AKT3: variants seen among roughly 807,000 people sequenced by gnomAD.
The protein encoded by AKT3 is RAC-gamma serine/threonine-protein kinase.
In AKT3, 15 loss-of-function variants were observed where a neutral mutation model predicts 65.3. The ratio of observed to expected loss-of-function variants is 0.23; its 90% CI spans 0.15 to 0.35. The LOEUF (loss-of-function observed/expected upper bound fraction) is 0.35. AKT3 is among the 10% of genes least tolerant of loss of function. The probability of loss-of-function intolerance (pLI) is 1.00; values close to 1 mark genes in which losing one functional copy is unlikely to be tolerated. For missense variants in AKT3, 243 were observed against 576.5 expected, an observed-to-expected ratio of 0.42 and a Z score of 5.92; for synonymous variants, 206 against 183.8, an observed-to-expected ratio of 1.12 and a Z score of -0.98.
chr1:243,520,357 C>T (rs1038578968), intron 12 of AKT3, among the ~76,000 whole-genome samples: 4 of 152,174 alleles, frequency 2.6e-5, no homozygotes, highest in Admixed American at 6.5e-5. Context: ...CTTGGACTTT[C>T]GCCAGAAATA....
intron 2 of AKT3, among the ~76,000 whole-genome samples, chr1:243,778,874 T>C (rs1474427929): frequency 6.6e-6 from 1 of 152,096 alleles, no homozygotes; most frequent in Non-Finnish European, 1.5e-5. Context: ...TTTACATAAA[T>C]TGAGGTTTTT....
chr1:243,817,520 CA>C (rs1438014273), intron 2 of AKT3, among the ~76,000 whole-genome samples: 1 of 151,944 alleles, frequency 6.6e-6, no homozygotes, highest in African/African-American at 2.4e-5. Flanking sequence ...GTGGGCGAAT[CA>C]CTTGAGGTCA....
At chr1:243,850,494 G>A (rs545964880), upstream of AKT3, among the ~76,000 whole-genome samples, 5 of 151,472 alleles carry the variant, frequency 3.3e-5, no homozygotes, top group South Asian at 8.3e-4. Flanking sequence ...CGCGGGGAGG[G>A]GTTCTGCGGC....
intron 3 of AKT3, among the ~76,000 whole-genome samples, chr1:243,672,835 C>A (rs1683244700): frequency 6.6e-6 from 1 of 152,196 alleles, no homozygotes; most frequent in Non-Finnish European, 1.5e-5. Context: ...CCCACCGAAT[C>A]CTGCCTCTAA....
chr1:243,572,909 T>TC lies in AKT3; in HGVS notation c.819+16_819+17insG, dbSNP rs1491221749. On this transcript the variant is annotated intron_variant, in intron 9 of 13. Coordinates refer to ENST00000673466, the MANE Select transcript of AKT3 (RefSeq NM_005465.7). ...CTCTGCAAAAACAAATTTTGATTACTTTTTTTTTTTTTTTACCTTGAGATC... is the reference window on the plus strand; with the variant it reads ...CTCTGCAAAAACAAATTTTGATTACTCTTTTTTTTTTTTTTACCTTGAGATC... 5.3e-5 allele frequency: 5 copies of TC among 94,236 alleles called. No homozygotes were observed. The highest frequency in any genetic ancestry group is 1.0e-4 in the African/African-American group (2 of 20,046). The allele number at this position is 94,236 out of a possible 1,614,324, so 5.8% of individuals were successfully genotyped here. A position where few individuals can be genotyped will look rare whatever the true frequency, so the allele number is the denominator to read the frequency against.
chr1:243,596,887 CAACAAAGTT>C (rs1676654506), intron 8 of AKT3, among the ~76,000 whole-genome samples: 1 of 152,040 alleles, frequency 6.6e-6, no homozygotes, highest in Admixed American at 6.6e-5. Context: ...CTGAGAAATG[CAACAAAGTT>C]AACAATCTCA....
chr1:243,659,805 G>A (rs1432294183), intron 4 of AKT3, among the ~76,000 whole-genome samples: 1 of 152,182 alleles, frequency 6.6e-6, no homozygotes, highest in Non-Finnish European at 1.5e-5. Flanking sequence ...ATTAAAAATA[G>A]AGAGTTTTTC....
chr1:243,812,415 T>A lies in AKT3; in HGVS notation c.46+30710A>T, dbSNP rs533235138. On this transcript the variant is annotated intron_variant, in intron 2 of 13. Coordinates refer to ENST00000673466, the MANE Select transcript of AKT3 (RefSeq NM_005465.7). ...GACATTTATGCAGCCAAGAGACACATGAAAAAATGCTCATCATCACTGGCC... is the reference window on the plus strand; with the variant it reads ...GACATTTATGCAGCCAAGAGACACAAGAAAAAATGCTCATCATCACTGGCC... Among the ~76,000 whole-genome samples the A allele has an allele frequency of 5.3e-5, 8 of 152,258 alleles. No individual in the cohort carries two copies. The South Asian group carries it at 1.7e-3, about 32-fold the overall frequency.
intron 6 of AKT3, among the ~76,000 whole-genome samples, chr1:243,631,136 A>G (rs1396707664): frequency 6.6e-6 from 1 of 152,216 alleles, no homozygotes; most frequent in East Asian, 1.9e-4. Context: ...TAACAGCACT[A>G]TGTCTAAAGA....
Position 243,505,208 on chromosome 1 carries a change from A to G in AKT3, c.*41T>C. The G allele has an allele frequency of 6.5e-7, 1 of 1,544,618 alleles. No individual in the cohort carries two copies. Among genetic ancestry groups the G allele is most frequent in the Non-Finnish European group, 8.9e-7 (1 of 1,117,400 alleles). ...TGATGTCCAGGAATCATTTTCAGTA[A>G]TAAATTGAAGATGACAGTGAAGTAG... is the stretch of plus-strand genomic sequence containing the variant. On this transcript the variant is annotated 3_prime_UTR_variant, in exon 14 of 14. Coordinates refer to ENST00000673466, the MANE Select transcript of AKT3 (RefSeq NM_005465.7).
rs770101071 is a variant in AKT3 at position 243,782,791 on chromosome 1, C to A, written c.46+60334G>T. 1.9e-4 allele frequency among the ~76,000 whole-genome samples: 29 copies of A among 152,208 alleles called. 1 individual carries two copies. Among genetic ancestry groups the A allele is most frequent in the Non-Finnish European group, 4.1e-4 (28 of 68,010 alleles). On this transcript the variant is annotated intron_variant, in intron 2 of 13. Transcript: ENST00000673466. ...ACACGTATGGGCACTCACGCATGCA[C>A]ACATACACACCCCATTCTGGGTGGA...
At chr1:243,624,543 C>A (rs957212153) in intron 6 of AKT3, 1 of 152,490 alleles carries the variant, frequency 6.6e-6, no homozygotes, top group Non-Finnish European at 1.5e-5. Context: ...CACCATTTTC[C>A]ACCTCCACAC....
At chr1:243,762,514 G>A (rs575475954) in intron 2 of AKT3, among the ~76,000 whole-genome samples, 7 of 152,034 alleles carry the variant, frequency 4.6e-5, no homozygotes, top group South Asian at 4.1e-4. Context: ...TGCTCCAAAC[G>A]GACTGTTTTC....
At position 243,645,939 on chromosome 1, in the gene AKT3, A is replaced by G. The variant is rs1487348762; in HGVS notation, c.383T>C (p.Ile128Thr). Residue 128 changes from isoleucine to threonine, a missense_variant, in exon 5 of 14, where the codon ATA (isoleucine) becomes ACA (threonine). Physicochemically the swap from Ile to Thr is moderately conservative, Grantham distance 89. Coordinates refer to ENST00000673466, the MANE Select transcript of AKT3 (RefSeq NM_005465.7). ...NCSPTSQIDN[I>T]GEEEMDASTT... ...AGAGGCATCCATCTCTTCCTCTCCT[A>G]TATTATCAATTTGTGAAGTTGGACT... 2 of 1,612,550 alleles carry G rather than the reference A, an allele frequency of 1.2e-6. No individual in the cohort carries two copies. The highest frequency in any genetic ancestry group is 4.5e-5 in the East Asian group (2 of 44,858).
chr1:243,517,732 T>C (rs1022007012), intron 12 of AKT3, among the ~76,000 whole-genome samples: 12 of 152,258 alleles, frequency 7.9e-5, no homozygotes, highest in African/African-American at 2.9e-4. Context: ...TAGGTAGTTC[T>C]TGCTTTTTAC....
chr1:243,603,055 G>C (rs1460319562), intron 8 of AKT3, among the ~76,000 whole-genome samples: 3 of 152,130 alleles, frequency 2.0e-5, no homozygotes, highest in Non-Finnish European at 4.4e-5. Flanking sequence ...ATTCTCCCAG[G>C]ATATTTTTCT....
chr1:243,529,267 C>T (rs998209256), intron 12 of AKT3, among the ~76,000 whole-genome samples: 5 of 151,362 alleles, frequency 3.3e-5, no homozygotes, highest in Non-Finnish European at 7.4e-5. Flanking sequence ...GTTTACTCTG[C>T]TGATAGTCTC....
intron 6 of AKT3, among the ~76,000 whole-genome samples, chr1:243,626,422 G>A (rs1169222922): frequency 2.6e-5 from 4 of 152,190 alleles, no homozygotes; most frequent in Non-Finnish European, 5.9e-5. Context: ...CAACACTGAA[G>A]GGCCCTAAAC....
intron 2 of AKT3, among the ~76,000 whole-genome samples, chr1:243,820,295 A>G (rs1693781374): frequency 6.6e-6 from 1 of 152,208 alleles, no homozygotes; most frequent in Admixed American, 6.5e-5. Flanking sequence ...AATTCCATCT[A>G]AAGGTCAGCA....
Sources: allele counts gnomAD v4.1 joint callset (sites outside exome capture counted in the v4.1 genomes callset), GRCh38; gene constraint gnomAD v4.1.1; transcripts MANE v1.5; gene names NCBI Gene and HGNC (gene_info 2026-07-23, HGNC 2026-07-21).